The following PACRG variants were observed in gnomAD, a reference collection of about 807,000 sequenced individuals.
The protein encoded by PACRG is parkin coregulated gene protein.
A neutral mutation model predicts 29.7 loss-of-function variants in PACRG; 29 were observed. That is an observed-to-expected ratio of 0.98 (90% CI 0.73 to 1.33). The LOEUF (loss-of-function observed/expected upper bound fraction) is 1.33, where lower values mean the gene tolerates loss of function less well. Among genes scored for constraint, PACRG ranks in the 40% most tolerant of loss-of-function variants. PACRG has a pLI of 0.00. For synonymous variants in PACRG, 116 were observed against 118.7 expected (o/e 0.98, Z 0.15); for missense variants, 279 against 316.2 (o/e 0.88, Z 0.89).
intron 4 of PACRG, among the ~76,000 whole-genome samples, chr6:163,168,972 G>A (rs1168146694): frequency 1.3e-5 from 2 of 152,230 alleles, no homozygotes; most frequent in South Asian, 2.1e-4. Flanking sequence ...GCGACCAGAA[G>A]TGAAGCTAAT....
chr6:162,793,115 T>G (rs1038981348), intron 1 of PACRG, among the ~76,000 whole-genome samples: 1 of 152,164 alleles, frequency 6.6e-6, no homozygotes, highest in Non-Finnish European at 1.5e-5. Context: ...AATTTGTAGT[T>G]TATTCATTTC....
At chr6:163,211,700 CT>C (rs1270203022) in intron 4 of PACRG, among the ~76,000 whole-genome samples, 26 of 152,290 alleles carry the variant, frequency 1.7e-4, no homozygotes, top group African/African-American at 6.0e-4. Flanking sequence ...GTTCCTCCCC[CT>C]ATAAGAGTTA....
At chr6:163,185,771 G>T (rs1306445182) in intron 4 of PACRG, among the ~76,000 whole-genome samples, 1 of 152,142 alleles carries the variant, frequency 6.6e-6, no homozygotes, top group Admixed American at 6.5e-5. Context: ...TTATTTCTCT[G>T]TATCTCCGTG....
In PACRG at chr6:163,226,901, G is replaced by A. The variant is rs141170760; in HGVS notation, c.614-87926G>A. 3.7e-3 allele frequency among the ~76,000 whole-genome samples: 569 copies of A among 152,266 alleles called. 4 individuals carry two copies. The highest frequency in any genetic ancestry group is 6.0e-3 in the Non-Finnish European group (409 of 68,030). Reference sequence around the variant, plus strand: ...AAGAGCCAATGGGATTAAAAATCATGGTAAACTGATCCTTTGTAGTTCATA... The same window carrying A: ...AAGAGCCAATGGGATTAAAAATCATAGTAAACTGATCCTTTGTAGTTCATA... On this transcript the variant is annotated intron_variant, in intron 4 of 4. Transcript: ENST00000366888.
intron 4 of PACRG, chr6:163,191,662 A>G (rs750000882): frequency 1.1e-5 from 5 of 456,148 alleles, no homozygotes; most frequent in South Asian, 7.7e-5. Flanking sequence ...TTATCTGTGG[A>G]CCACACTCCA....
In PACRG at chr6:163,290,701, G is replaced by A. The variant is rs553782941; in HGVS notation, c.614-24126G>A. Among the ~76,000 whole-genome samples, 3 of 152,312 alleles carry A rather than the reference G, an allele frequency of 2.0e-5. No individual in the cohort carries two copies. In the South Asian group the frequency reaches 6.2e-4, roughly 32 times the overall value. On this transcript the variant is annotated intron_variant, in intron 4 of 4. Coordinates refer to ENST00000366888, the MANE Select transcript of PACRG (RefSeq NM_001080379.2). ...TGCATTTAGGCACAGTTCAGCTCCTGGCACTAGAAAATATTCAACGGTGTT... is the reference window on the plus strand; with the variant it reads ...TGCATTTAGGCACAGTTCAGCTCCTAGCACTAGAAAATATTCAACGGTGTT...
intron 2 of PACRG, among the ~76,000 whole-genome samples, chr6:163,001,144 A>G (rs1804554156): frequency 6.6e-6 from 1 of 152,232 alleles, no homozygotes; most frequent in Admixed American, 6.5e-5. Flanking sequence ...TGTATGCTGC[A>G]GTGTAAGCTG....
At chr6:162,814,442 C>G in intron 2 of PACRG, 161 bp downstream of exon 2, 17 of 786,922 alleles carry the variant, frequency 2.2e-5, no homozygotes, top group Non-Finnish European at 2.9e-5. Context: ...TGTCAGCCAT[C>G]CACCTTGACT....
At chr6:163,177,920 C>T (rs1011733428) in intron 4 of PACRG, among the ~76,000 whole-genome samples, 2 of 151,876 alleles carry the variant, frequency 1.3e-5, no homozygotes, top group African/African-American at 2.4e-5. Flanking sequence ...CTCTTCCCTG[C>T]TGGACCATTT....
chr6:162,853,796 C>T lies in PACRG; in HGVS notation c.291+39515C>T, dbSNP rs1217806216. Among the ~76,000 whole-genome samples the T allele has an allele frequency of 6.6e-6, 1 of 152,116 alleles. No homozygotes were observed. Among genetic ancestry groups the T allele is most frequent in the African/African-American group, 2.4e-5 (1 of 41,418 alleles). On this transcript the variant is annotated intron_variant, in intron 2 of 4. Coordinates refer to ENST00000366888, the MANE Select transcript of PACRG (RefSeq NM_001080379.2). The surrounding 1 kb of genome is among the most constrained non-coding windows in gnomAD (Gnocchi z 4.7). ...AAAGCTATACTACCAGATATGAAAC[C>T]TTGGGCAAAGTACTTAACCTCTTTC...
At chr6:163,144,713 G>A (rs570014170) in intron 4 of PACRG, among the ~76,000 whole-genome samples, 1 of 152,292 alleles carries the variant, frequency 6.6e-6, no homozygotes, top group African/African-American at 2.4e-5. Flanking sequence ...AGGTTGCAGT[G>A]AGCCAAGATC....
chr6:162,924,334 G>C (rs1308931005), intron 2 of PACRG, among the ~76,000 whole-genome samples: 1 of 151,976 alleles, frequency 6.6e-6, no homozygotes, highest in African/African-American at 2.4e-5. Flanking sequence ...TCTCTGTAAA[G>C]AGGAACATTT....
chr6:162,848,947 C>A (rs1790635061), intron 2 of PACRG, among the ~76,000 whole-genome samples: 2 of 152,144 alleles, frequency 1.3e-5, no homozygotes, highest in South Asian at 2.1e-4. Flanking sequence ...TATGGAAACA[C>A]AAAGGAGAGA....
chr6:163,164,576 A>G (rs1778709947), intron 4 of PACRG, among the ~76,000 whole-genome samples: 1 of 152,204 alleles, frequency 6.6e-6, no homozygotes, highest in Non-Finnish European at 1.5e-5. Context: ...CTACCTTAAG[A>G]TCTCTTTGAA....
At chr6:162,924,107 C>A (rs1797254445) in intron 2 of PACRG, among the ~76,000 whole-genome samples, 1 of 151,946 alleles carries the variant, frequency 6.6e-6, no homozygotes. Context: ...CATTCACCTT[C>A]CTGGTTAAAT....
intron 4 of PACRG, among the ~76,000 whole-genome samples, chr6:163,301,682 C>T (rs1057077940): frequency 5.3e-5 from 8 of 152,228 alleles, no homozygotes; most frequent in Non-Finnish European, 1.0e-4. Context: ...TGGGGCTATA[C>T]TTCCTGTCCT....
chr6:163,166,158 G>A, intron 4 of PACRG: 1 of 456,260 alleles, frequency 2.2e-6, no homozygotes, highest in Non-Finnish European at 4.4e-6. Flanking sequence ...CCCGGCACAT[G>A]TGAAAGGGTT....
rs142676335 is a variant in PACRG, at chr6:163,208,912, A to T, written c.614-105915A>T. On this transcript the variant is annotated intron_variant, in intron 4 of 4. Transcript: ENST00000366888. ...AGAAAAGCACATTAGCTAATGTGAAATGATGTTTTTCTCCAAATTTATTAC... is the reference window on the plus strand; with the variant it reads ...AGAAAAGCACATTAGCTAATGTGAATTGATGTTTTTCTCCAAATTTATTAC... 1.5e-4 allele frequency among the ~76,000 whole-genome samples: 23 copies of T among 152,342 alleles called. No individual in the cohort carries two copies. In the East Asian group the frequency reaches 2.5e-3, roughly 17 times the overall value.
intron 1 of PACRG, among the ~76,000 whole-genome samples, chr6:162,786,517 A>T (rs1173946479): frequency 1.3e-5 from 2 of 152,194 alleles, no homozygotes; most frequent in African/African-American, 4.8e-5. Flanking sequence ...ACCATCTATT[A>T]TCTCATTCCC....
Sources: gnomAD v4.1 joint callset for allele counts (sites outside exome capture counted in the v4.1 genomes callset) on GRCh38, gnomAD v4.1.1 for gene constraint, Gnocchi (gnomAD v3.1) non-coding constraint, MANE v1.5 for transcripts, NCBI Gene and HGNC (gene_info 2026-07-23, HGNC 2026-07-21) for gene names.